The following ARHGAP42 variants were observed in gnomAD, a reference collection of about 807,000 sequenced individuals.
The protein encoded by ARHGAP42 is Rho GTPase activating protein 42, also known as rho GTPase-activating protein 42.
In ARHGAP42, 63 loss-of-function variants were observed where a neutral mutation model predicts 125.0. The ratio of observed to expected loss-of-function variants is 0.50; its 90% confidence interval spans 0.41 to 0.62. The LOEUF is 0.62. ARHGAP42 is among the 20% of genes least tolerant of loss of function. The pLI is 0.00. For synonymous variants in ARHGAP42, 339 were observed against 351.0 expected (o/e 0.97, Z 0.38); for missense variants, 766 against 1,024.2 (o/e 0.75, Z 3.44).
chr11:100,869,159 C>G (rs1465528857), intron 4 of ARHGAP42, among the ~76,000 whole-genome samples: 1 of 151,832 alleles, frequency 6.6e-6, no homozygotes, highest in Non-Finnish European at 1.5e-5. Flanking sequence ...AGCAAGAAGG[C>G]ATCTAGATGA....
At position 100,947,411 on chromosome 11, in the gene ARHGAP42, C is replaced by T. The variant is rs183211562; in HGVS notation, c.1044-1046C>T. On this transcript the variant is annotated intron_variant, in intron 10 of 23. Coordinates refer to ENST00000298815, the MANE Select transcript of ARHGAP42 (RefSeq NM_152432.4). Reference sequence around the variant, plus strand: ...TGTTAATGCTTTGTCTTAACACATTCCGGTTATATAACCTTGGAGCACTTT... The same window carrying T: ...TGTTAATGCTTTGTCTTAACACATTTCGGTTATATAACCTTGGAGCACTTT... Among the ~76,000 whole-genome samples the T allele has an allele frequency of 4.4e-3, 675 of 152,028 alleles. 7 individuals are homozygous for T. Among genetic ancestry groups the T allele is most frequent in the Middle Eastern group, 0.01 (3 of 294 alleles).
At chr11:100,968,122 C>T (rs533070983) in intron 17 of ARHGAP42, among the ~76,000 whole-genome samples, 13 of 152,254 alleles carry the variant, frequency 8.5e-5, no homozygotes, top group Admixed American at 2.6e-4. Flanking sequence ...TTCTGGCTTT[C>T]ATTTGGTTAC....
intron 3 of ARHGAP42, among the ~76,000 whole-genome samples, chr11:100,818,186 T>G (rs191389123): frequency 1.5e-4 from 23 of 152,290 alleles, no homozygotes; most frequent in Admixed American, 1.4e-3. Context: ...TGTTCACCTT[T>G]TTTAATTTTG....
intron 3 of ARHGAP42, among the ~76,000 whole-genome samples, chr11:100,858,077 C>G (rs1865361807): frequency 1.0e-5 from 1 of 97,818 alleles, no homozygotes; most frequent in South Asian, 3.6e-4. Context: ...TCTGTACAAT[C>G]TGGATAGGGG....
intron 21 of ARHGAP42, among the ~76,000 whole-genome samples, chr11:100,978,544 A>G (rs1272537162): frequency 6.6e-6 from 1 of 151,590 alleles, no homozygotes; most frequent in Non-Finnish European, 1.5e-5. Flanking sequence ...ATGTTCACAT[A>G]TTAAAAAAAT....
intron 4 of ARHGAP42, among the ~76,000 whole-genome samples, chr11:100,905,916 G>A (rs140667477): frequency 5.3e-4 from 81 of 152,316 alleles, no homozygotes; most frequent in African/African-American, 1.9e-3. Flanking sequence ...GGCGGAAGCT[G>A]CAGTGAGCCA....
intron 4 of ARHGAP42, among the ~76,000 whole-genome samples, chr11:100,860,887 A>C (rs1208772369): frequency 6.6e-6 from 1 of 152,218 alleles, no homozygotes; most frequent in Admixed American, 6.5e-5. Context: ...TAATTAATTC[A>C]GCAAATATTT....
At chr11:100,917,725 C>T (rs1867112010) in intron 5 of ARHGAP42, among the ~76,000 whole-genome samples, 1 of 152,106 alleles carries the variant, frequency 6.6e-6, no homozygotes, top group Non-Finnish European at 1.5e-5. Flanking sequence ...GTGTGCATTA[C>T]CATGCCCAGC....
chr11:100,858,933 T>A lies in ARHGAP42; in HGVS notation c.313-621T>A, dbSNP rs1285741678. Among the ~76,000 whole-genome samples, 20 of 152,240 alleles carry A rather than the reference T, an allele frequency of 1.3e-4. No individual in the cohort carries two copies. The East Asian group carries it at 3.9e-3, about 29-fold the overall frequency. On this transcript the variant is annotated intron_variant, in intron 3 of 23. Coordinates refer to ENST00000298815, the MANE Select transcript of ARHGAP42 (RefSeq NM_152432.4). Reference sequence around the variant, plus strand: ...ACTCCCATTGTAGTAGTCTTACAGATCAATATTAAAAGATTTATTTGTTTT... The same window carrying A: ...ACTCCCATTGTAGTAGTCTTACAGAACAATATTAAAAGATTTATTTGTTTT...
At chr11:100,915,252 G>A (rs1240423819) in intron 5 of ARHGAP42, among the ~76,000 whole-genome samples, 1 of 152,122 alleles carries the variant, frequency 6.6e-6, no homozygotes, top group Non-Finnish European at 1.5e-5. Flanking sequence ...GTACCAAAAT[G>A]TCTTAAGTGA....
At chr11:100,794,778 A>G (rs898470609) in intron 2 of ARHGAP42, among the ~76,000 whole-genome samples, 6 of 152,180 alleles carry the variant, frequency 3.9e-5, no homozygotes, top group Non-Finnish European at 7.4e-5. Context: ...TGCTATGTTT[A>G]TCAATATATG....
chr11:100,901,034 CCTTTGGT>C (rs1866531398), intron 4 of ARHGAP42, among the ~76,000 whole-genome samples: 1 of 152,054 alleles, frequency 6.6e-6, no homozygotes, highest in African/African-American at 2.4e-5. Context: ...GTTTTATCTG[CCTTTGGT>C]CTTTGATGTT....
intron 3 of ARHGAP42, among the ~76,000 whole-genome samples, chr11:100,819,184 A>G (rs1308124118): frequency 6.6e-6 from 1 of 152,128 alleles, no homozygotes; most frequent in Non-Finnish European, 1.5e-5. Flanking sequence ...AGGTATACAG[A>G]ACGGATCAGT....
Position 100,933,333 on chromosome 11 carries a change from T to G in ARHGAP42, c.702+73T>G, listed in dbSNP as rs961928570. 2.7e-6 allele frequency: 3 copies of G among 1,127,920 alleles called. No homozygotes were observed. The African/African-American group carries it at 4.8e-5, about 18-fold the overall frequency. The allele number at this position is 1,127,920 out of a possible 1,614,324, so 69.9% of individuals were successfully genotyped here. A position where few individuals can be genotyped will look rare whatever the true frequency, so the allele number is the denominator to read the frequency against. On this transcript the variant is annotated intron_variant, in intron 7 of 23. Coordinates refer to ENST00000298815, the MANE Select transcript of ARHGAP42 (RefSeq NM_152432.4). ...GATTTCACAGGGCAACTAATTACAATTTTTTTCTAGCTGCTAGTGGAAAAT... is the reference window on the plus strand; with the variant it reads ...GATTTCACAGGGCAACTAATTACAAGTTTTTTCTAGCTGCTAGTGGAAAAT...
chr11:100,924,291 G>T (rs1867359971), intron 6 of ARHGAP42, among the ~76,000 whole-genome samples: 1 of 152,002 alleles, frequency 6.6e-6, no homozygotes, highest in African/African-American at 2.4e-5. Flanking sequence ...GTATTTTTTA[G>T]ATTATTTTAC....
In ARHGAP42 at chr11:100,976,337, C is replaced by T. The variant is rs1284817256; in HGVS notation, c.2136C>T (p.Asp712=). The T allele has an allele frequency of 3.2e-6, 5 of 1,551,522 alleles. No homozygotes were observed. The highest frequency in any genetic ancestry group is 2.4e-5 in the East Asian group (1 of 40,914). Reference sequence around the variant, plus strand: ...TTGCTTCAGTCACTAGCCCAGGAGACGTTTCCCCACCCATAGACCTAGTCA... The same window carrying T: ...TTGCTTCAGTCACTAGCCCAGGAGATGTTTCCCCACCCATAGACCTAGTCA... The part of the protein sequence containing the change: ...QSVASVTSPG[D]VSPPIDLVKK... Residue 712 remains aspartate (D), a synonymous_variant, in exon 20 of 24, where the codon GAC becomes GAT. Transcript: ENST00000298815.
intron 23 of ARHGAP42, among the ~76,000 whole-genome samples, chr11:100,987,843 A>AAATAAATC (rs879298050): frequency 1.4e-5 from 2 of 146,420 alleles, no homozygotes; most frequent in African/African-American, 2.5e-5. Context: ...ATAAATAAAT[A>AAATAAATC]AATAGGCCAG....
intron 3 of ARHGAP42, among the ~76,000 whole-genome samples, chr11:100,832,995 A>G (rs898378726): frequency 2.3e-4 from 35 of 152,334 alleles, no homozygotes; most frequent in Non-Finnish European, 4.3e-4. Flanking sequence ...GGCGACTAGA[A>G]TGTGGGTTTT....
At chr11:100,943,987 C>A in intron 10 of ARHGAP42, 119 bp downstream of exon 10, 2 of 637,168 alleles carry the variant, frequency 3.1e-6, no homozygotes, top group Non-Finnish European at 5.2e-6. Context: ...AAACAGTATA[C>A]ATGTTTATCT....
Sources: allele counts gnomAD v4.1 joint callset (sites outside exome capture counted in the v4.1 genomes callset), GRCh38; gene constraint gnomAD v4.1.1; transcripts MANE v1.5; gene names NCBI Gene and HGNC (gene_info 2026-07-23, HGNC 2026-07-21).